Variants in EFCAB11 observed in about 807,000 individuals in gnomAD.
The protein encoded by EFCAB11 is EF-hand calcium-binding domain-containing protein 11.
EFCAB11 carries 14 observed loss-of-function variants against 23.0 expected under a neutral mutation model. The observed-to-expected ratio is 0.61, with a 90% CI of 0.40 to 0.95. The LOEUF is 0.95. Ranked by LOEUF, EFCAB11 falls within the 40% of genes least tolerant of loss-of-function variation. EFCAB11 has a pLI of 0.00. For synonymous variants in EFCAB11, 65 were observed against 66.6 expected, an observed-to-expected ratio of 0.98 and a Z score of 0.11; for missense variants, 198 against 195.8, an observed-to-expected ratio of 1.01 and a Z score of -0.07.
chr14:89,905,257 A>G (rs1596445251), intron 5 of EFCAB11, among the ~76,000 whole-genome samples: 1 of 152,312 alleles, frequency 6.6e-6, no homozygotes, highest in East Asian at 1.9e-4. Flanking sequence ...TACTATAGTT[A>G]CCATAAAAAT....
intron 3 of EFCAB11, among the ~76,000 whole-genome samples, chr14:89,935,883 C>T (rs1052664790): frequency 1.3e-5 from 2 of 152,146 alleles, no homozygotes; most frequent in Admixed American, 6.5e-5. Flanking sequence ...CGGCATGCAC[C>T]TGTAATCCCA....
In EFCAB11 at chr14:89,932,604, T is replaced by C; in HGVS notation, c.241A>G (p.Asn81Asp). ...GCTTCCTTCTTTTTCCTGACAATAT[T>C]TAAAAACCCCTCGAGTAATATACCT... is the stretch of plus-strand genomic sequence containing the variant. ...TSGILLEGFLNIVRKKKEAQR... is the reference protein window; with the variant it reads ...TSGILLEGFLDIVRKKKEAQR... Residue 81 changes from asparagine to aspartate, a missense_variant, in exon 4 of 6, where the codon AAT (asparagine) becomes GAT (aspartate). By Grantham distance (23) the Asn-to-Asp change is conservative. Transcript: ENST00000316738. 6.2e-7 allele frequency: 1 copy of C among 1,613,734 alleles called. No homozygotes were observed. The highest frequency in any genetic ancestry group is 8.5e-7 in the Non-Finnish European group (1 of 1,179,880).
At chr14:89,817,531 TTATAAA>T (rs1886373757) in intron 5 of EFCAB11, among the ~76,000 whole-genome samples, 2 of 151,774 alleles carry the variant, frequency 1.3e-5, no homozygotes, top group Non-Finnish European at 2.9e-5. Context: ...TAAAAAAAAA[TTATAAA>T]TATAAACTTA....
At chr14:89,922,520 G>C (rs1413212836) in intron 5 of EFCAB11, among the ~76,000 whole-genome samples, 1 of 152,200 alleles carries the variant, frequency 6.6e-6, no homozygotes, top group Non-Finnish European at 1.5e-5. Context: ...GTCAGAGGCA[G>C]AGCTGGGCCT....
chr14:89,943,651 T>G (rs1285693158), intron 3 of EFCAB11, among the ~76,000 whole-genome samples: 2 of 152,212 alleles, frequency 1.3e-5, no homozygotes, highest in East Asian at 1.9e-4. Flanking sequence ...CATGTAAAAT[T>G]GACTCGTATC....
intron 5 of EFCAB11, chr14:89,837,082 G>A (rs892296087): frequency 8.8e-6 from 4 of 456,810 alleles, no homozygotes; most frequent in African/African-American, 8.0e-5. Context: ...AGAGGCCAGA[G>A]GAGGGGTTTT....
intron 5 of EFCAB11, among the ~76,000 whole-genome samples, chr14:89,861,586 T>C (rs1477932231): frequency 1.3e-5 from 2 of 152,218 alleles, no homozygotes; most frequent in African/African-American, 4.8e-5. Flanking sequence ...CAAGTTGCTA[T>C]GGTTTAAATG....
At chr14:89,885,727 AAGAG>A (rs1187450448) in intron 5 of EFCAB11, among the ~76,000 whole-genome samples, 11 of 137,858 alleles carry the variant, frequency 8.0e-5, no homozygotes, top group African/African-American at 1.4e-4. Flanking sequence ...GAGAGAGAGA[AAGAG>A]AGAGAGAGAG....
chr14:89,905,477 T>C (rs1204789461), intron 5 of EFCAB11, among the ~76,000 whole-genome samples: 1 of 152,032 alleles, frequency 6.6e-6, no homozygotes, highest in South Asian at 2.1e-4. Context: ...GTCACAAGCA[T>C]TGAAAAGAAG....
In EFCAB11 at chr14:89,797,140, T is replaced by G. The variant is rs1231513567; in HGVS notation, c.*103A>C. The G allele has an allele frequency of 2.7e-6, 3 of 1,120,800 alleles. No individual in the cohort carries two copies. The African/African-American group carries it at 5.0e-5, about 19-fold the overall frequency. 69.4% of individuals were successfully genotyped at this position (1,120,800 alleles called of 1,614,324 possible). A position where few individuals can be genotyped will look rare whatever the true frequency, so the allele number is the denominator to read the frequency against. On this transcript the variant is annotated 3_prime_UTR_variant, in exon 6 of 6. Transcript: ENST00000316738. The stretch of plus-strand genomic sequence containing the variant: ...CCCACAAAAATTAAAAATTTTTAAA[T>G]GTTTAATCACAAGTCTGTAGCATGA...
chr14:89,903,086 G>A (rs992796169), intron 5 of EFCAB11, among the ~76,000 whole-genome samples: 3 of 152,206 alleles, frequency 2.0e-5, no homozygotes, highest in Admixed American at 6.6e-5. Context: ...CCGCATCTGC[G>A]TTACACATGA....
intron 3 of EFCAB11, among the ~76,000 whole-genome samples, chr14:89,946,125 G>T (rs6575098): frequency 0.095 from 14,356 of 151,904 alleles, 1,748 homozygotes; most frequent in African/African-American, 0.29. Flanking sequence ...TTTCATCATG[G>T]TTGGTCTCAA....
intron 5 of EFCAB11, among the ~76,000 whole-genome samples, chr14:89,900,296 G>A (rs986950789): frequency 2.1e-4 from 32 of 151,954 alleles, no homozygotes; most frequent in Admixed American, 2.0e-3. Context: ...AAAATATAAA[G>A]ACATACACGA....
At chr14:89,813,430 T>C (rs1566768078) in intron 5 of EFCAB11, among the ~76,000 whole-genome samples, 1 of 152,218 alleles carries the variant, frequency 6.6e-6, no homozygotes, top group Non-Finnish European at 1.5e-5. Flanking sequence ...ACACTCATCT[T>C]AACAAAAACA....
At chr14:89,954,551 G>T (rs761947049) in intron 1 of EFCAB11, 35 bp downstream of exon 1, 2 of 1,610,286 alleles carry the variant, frequency 1.2e-6, no homozygotes, top group South Asian at 1.1e-5. Context: ...AGGCCAAGCT[G>T]AAGTCCGAGG....
chr14:89,802,479 C>A (rs906021507), intron 5 of EFCAB11, among the ~76,000 whole-genome samples: 3 of 152,130 alleles, frequency 2.0e-5, no homozygotes, highest in Non-Finnish European at 4.4e-5. Context: ...GCAACCTCTG[C>A]CTCCCAGAAT....
chr14:89,856,280 C>T (rs1887750147), intron 5 of EFCAB11, among the ~76,000 whole-genome samples: 1 of 151,722 alleles, frequency 6.6e-6, no homozygotes, highest in African/African-American at 2.4e-5. Flanking sequence ...CCTCTGCCTC[C>T]CAGGTTTGGG....
intron 2 of EFCAB11, among the ~76,000 whole-genome samples, chr14:89,950,496 C>T (rs1402543946): frequency 2.0e-5 from 3 of 152,098 alleles, no homozygotes; most frequent in Non-Finnish European, 4.4e-5. Flanking sequence ...GGCTCTATGG[C>T]TCTATTTTTA....
intron 5 of EFCAB11, among the ~76,000 whole-genome samples, chr14:89,873,991 C>G (rs1432815634): frequency 6.6e-6 from 1 of 152,216 alleles, no homozygotes. Flanking sequence ...TGTGTGGAGG[C>G]TCCAACCCCA....
Sources: allele counts gnomAD v4.1 joint callset (sites outside exome capture counted in the v4.1 genomes callset), GRCh38; gene constraint gnomAD v4.1.1; transcripts MANE v1.5; gene names NCBI Gene and HGNC (gene_info 2026-07-23, HGNC 2026-07-21).